Variants in DNAH14 observed in about 807,000 individuals in gnomAD.
The protein encoded by DNAH14 is axonemal beta dynein heavy chain 14.
Under a neutral mutation model 520.9 loss-of-function variants are expected in DNAH14, and 478 were observed. That is an observed-to-expected ratio of 0.92 (90% CI 0.85 to 0.99). The LOEUF (loss-of-function observed/expected upper bound fraction) is 0.99. Among genes scored for constraint, DNAH14 ranks in the 50% least tolerant of loss-of-function variants. The pLI, the probability that DNAH14 is intolerant of heterozygous loss-of-function variation, is 0.00. For missense variants in DNAH14, 4,831 were observed against 5,234.5 expected, an observed-to-expected ratio of 0.92 and a Z score of 2.38; for synonymous variants, 1,581 against 1,757.2, an observed-to-expected ratio of 0.90 and a Z score of 2.51.
chr1:225,014,568 T>A (rs1355251364), intron 10 of DNAH14, among the ~76,000 whole-genome samples: 1 of 152,210 alleles, frequency 6.6e-6, no homozygotes, highest in Non-Finnish European at 1.5e-5. Context: ...CACCCATTTG[T>A]TGTTCAGGAA....
At chr1:225,228,027 G>C (rs2090716125) in intron 41 of DNAH14, among the ~76,000 whole-genome samples, 1 of 152,078 alleles carries the variant, frequency 6.6e-6, no homozygotes, top group Admixed American at 6.6e-5. Flanking sequence ...GAAAATCTGA[G>C]GCATTCCTAC....
At chr1:225,136,161 G>A (rs998939258) in intron 27 of DNAH14, among the ~76,000 whole-genome samples, 1 of 152,138 alleles carries the variant, frequency 6.6e-6, no homozygotes, top group Admixed American at 6.5e-5. Context: ...TACATTTAAG[G>A]TTAGTATTGT....
At chr1:224,980,640 G>T (rs1477267389) in intron 8 of DNAH14, among the ~76,000 whole-genome samples, 1 of 152,182 alleles carries the variant, frequency 6.6e-6, no homozygotes, top group Admixed American at 6.5e-5. Flanking sequence ...GTGAACATAG[G>T]CAGTAGCCAG....
intron 76 of DNAH14, among the ~76,000 whole-genome samples, chr1:225,367,090 T>C (rs527570419): frequency 6.6e-6 from 1 of 152,000 alleles, no homozygotes; most frequent in South Asian, 2.1e-4. Context: ...ATATATCATA[T>C]ATAGATACCC....
chr1:225,144,801 G>C (rs1328466231), intron 29 of DNAH14, among the ~76,000 whole-genome samples, 173 bp downstream of exon 29: 1 of 152,002 alleles, frequency 6.6e-6, no homozygotes, highest in East Asian at 1.9e-4. Context: ...TGCCTATTGT[G>C]TGCTGGAGCT....
At chr1:225,282,545 G>A (rs1303338678) in intron 54 of DNAH14, among the ~76,000 whole-genome samples, 5 of 152,212 alleles carry the variant, frequency 3.3e-5, no homozygotes, top group African/African-American at 1.2e-4. Flanking sequence ...GTAGAGGAGT[G>A]AGAAAGTGAG....
At chr1:225,061,682 T>C (rs903071269) in intron 17 of DNAH14, among the ~76,000 whole-genome samples, 2 of 151,994 alleles carry the variant, frequency 1.3e-5, no homozygotes, top group Non-Finnish European at 2.9e-5. Context: ...AAAGATGGGG[T>C]CTTGTTATGT....
At position 225,140,822 on chromosome 1, in the gene DNAH14, A is replaced by G; in HGVS notation, c.4309A>G (p.Arg1437Gly). ...TAAAAGTTTTGTGAGTTCTTATTCA[A>G]GAGAAAAATTGGAAAAAGTCCACGC... ...CVKSFVSSYSREKLEKVHAGL... is the reference protein window; with the variant it reads ...CVKSFVSSYSGEKLEKVHAGL... Residue 1437 changes from arginine (R) to glycine (G), a missense_variant, in exon 28 of 86, where the codon AGA becomes GGA. Transcript: ENST00000682510. 6.4e-7 allele frequency: 1 copy of G among 1,550,906 alleles called. No homozygotes were observed. The highest frequency in any genetic ancestry group is 8.7e-7 in the Non-Finnish European group (1 of 1,146,896).
At chr1:225,003,862 T>G (rs1246492887) in intron 9 of DNAH14, among the ~76,000 whole-genome samples, 2 of 152,128 alleles carry the variant, frequency 1.3e-5, no homozygotes, top group African/African-American at 4.8e-5. Flanking sequence ...GGAAATAAAA[T>G]AATCTGTAAT....
At chr1:225,071,940 G>T (rs1338107650) in intron 17 of DNAH14, among the ~76,000 whole-genome samples, 1 of 152,130 alleles carries the variant, frequency 6.6e-6, no homozygotes, top group African/African-American at 2.4e-5. Flanking sequence ...GGTGAGATTT[G>T]GGTGGGGACA....
At chr1:224,970,031 T>C (rs113738396) in intron 7 of DNAH14, among the ~76,000 whole-genome samples, 6,351 of 152,278 alleles carry the variant, frequency 0.042, 216 homozygotes, top group Non-Finnish European at 0.061. Context: ...GAGATAACCT[T>C]AAATTCTGAC....
chr1:224,949,501 G>A (rs2060039831), intron 1 of DNAH14, among the ~76,000 whole-genome samples: 1 of 152,006 alleles, frequency 6.6e-6, no homozygotes, highest in Non-Finnish European at 1.5e-5. Context: ...CTCTTGATTT[G>A]TTTTGTCTGA....
chr1:225,147,979 G>T (rs1481590177), intron 31 of DNAH14, among the ~76,000 whole-genome samples: 1 of 152,032 alleles, frequency 6.6e-6, no homozygotes, highest in Non-Finnish European at 1.5e-5. Context: ...CTTTTTTATG[G>T]CTGCATAGTA....
At chr1:225,293,470 C>A (rs2093937652) in intron 55 of DNAH14, among the ~76,000 whole-genome samples, 1 of 150,794 alleles carries the variant, frequency 6.6e-6, no homozygotes, top group Admixed American at 6.6e-5. Context: ...GACATATATA[C>A]CATGGAATAC....
intron 36 of DNAH14, among the ~76,000 whole-genome samples, chr1:225,182,415 G>A (rs1405495485): frequency 6.6e-6 from 1 of 152,102 alleles, no homozygotes; most frequent in Non-Finnish European, 1.5e-5. Context: ...ATGAGGTAGA[G>A]CAAGATGGTG....
chr1:225,240,836 G>GA lies in DNAH14; in HGVS notation c.6748+19dup. The GA allele has an allele frequency of 6.7e-7, 1 of 1,491,868 alleles. No homozygotes were observed. 92.4% of individuals were successfully genotyped at this position (1,491,868 alleles called of 1,614,324 possible). A position where few individuals can be genotyped will look rare whatever the true frequency, so the allele number is the denominator to read the frequency against. On this transcript the variant is annotated intron_variant, in intron 43 of 85. Transcript: ENST00000682510. ...GTTCACAAGTAGGTAAGTTCTGTGG[G>GA]AAAAATCATAACTATACTTATTTTA...
chr1:225,140,652 T>C, intron 27 of DNAH14, 116 bp from the exon 28 acceptor site: 2 of 860,750 alleles, frequency 2.3e-6, no homozygotes, highest in Middle Eastern at 7.3e-4. Context: ...CACAAACACT[T>C]ACATACACAC....
At chr1:225,063,651 G>C (rs181317841) in intron 17 of DNAH14, among the ~76,000 whole-genome samples, 1 of 152,076 alleles carries the variant, frequency 6.6e-6, no homozygotes, top group East Asian at 1.9e-4. Context: ...GTTGCCTGTG[G>C]GATAATACCA....
chr1:225,163,889 A>G (rs533692312), intron 35 of DNAH14, among the ~76,000 whole-genome samples: 1 of 151,950 alleles, frequency 6.6e-6, no homozygotes, highest in Non-Finnish European at 1.5e-5. Context: ...TGGAAGTATT[A>G]CCTCCTCCTC....
Sources: gnomAD v4.1 joint callset for allele counts (sites outside exome capture counted in the v4.1 genomes callset) on GRCh38, gnomAD v4.1.1 for gene constraint, MANE v1.5 for transcripts, NCBI Gene and HGNC (gene_info 2026-07-23, HGNC 2026-07-21) for gene names.